The following TDP1 variants were observed in gnomAD, a reference collection of about 807,000 sequenced individuals.
The protein encoded by TDP1 is tyrosyl-DNA phosphodiesterase 1, also known as tyr-DNA phosphodiesterase 1.
A neutral mutation model predicts 81.5 loss-of-function variants in TDP1; 64 were observed. The observed-to-expected ratio is 0.79, with a 90% CI of 0.64 to 0.97. The LOEUF is 0.97. TDP1 is among the 50% of genes least tolerant of loss of function. The pLI is 0.00. For missense variants in TDP1, 723 were observed against 743.8 expected, an observed-to-expected ratio of 0.97 and a Z score of 0.33; for synonymous variants, 256 against 264.3, an observed-to-expected ratio of 0.97 and a Z score of 0.30.
In TDP1 at chr14:89,975,818, A is replaced by G. The variant is rs1894242397; in HGVS notation, c.791+3A>G. 1.9e-6 allele frequency: 3 copies of G among 1,611,948 alleles called. No individual in the cohort carries two copies. Among genetic ancestry groups the G allele is most frequent in the Non-Finnish European group, 1.7e-6 (2 of 1,178,014 alleles). ...ATTGCGTTTGGAACACACCACACGT[A>G]AGCACTTTTTGTGAAATAGGGGAAC... On this transcript the variant is annotated splice_donor_region_variant and intron_variant, in intron 7 of 16. Transcript: ENST00000335725.
chr14:90,043,044 T>C, intron 16 of TDP1, 26 bp from the exon 17 acceptor site: 1 of 1,614,110 alleles, frequency 6.2e-7, no homozygotes, highest in African/African-American at 1.3e-5. Flanking sequence ...TTCAAATAAA[T>C]ATTACGTAAT....
At chr14:90,002,151 T>C (rs986404380) in intron 14 of TDP1, among the ~76,000 whole-genome samples, 1 of 152,208 alleles carries the variant, frequency 6.6e-6, no homozygotes, top group Non-Finnish European at 1.5e-5. Context: ...ACCCTGCTCC[T>C]CATCCAGAAA....
chr14:90,001,172 A>G (rs1395739028), intron 14 of TDP1, among the ~76,000 whole-genome samples: 1 of 152,240 alleles, frequency 6.6e-6, no homozygotes, highest in East Asian at 1.9e-4. Flanking sequence ...CATTTCACAA[A>G]TGTGAAAACT....
chr14:89,965,976 A>AT (rs921922361), intron 3 of TDP1, 171 bp from the exon 4 acceptor site: 34 of 702,880 alleles, frequency 4.8e-5, no homozygotes, highest in South Asian at 6.4e-5. Context: ...CCATAGGGAA[A>AT]TTTTTTTTGA....
chr14:90,043,494 A>C lies in TDP1; in HGVS notation c.*351A>C. The C allele has an allele frequency of 2.7e-6, 1 of 370,036 alleles. No homozygotes were observed. Among genetic ancestry groups the C allele is most frequent in the Non-Finnish European group, 5.0e-6 (1 of 198,682 alleles). The allele number at this position is 370,036 out of a possible 1,614,324, so 22.9% of individuals were successfully genotyped here. The stretch of plus-strand genomic sequence containing the variant: ...TTTGGAATATTTGCATAGCATAATG[A>C]GATATCTTGGGAATGGGACCCAAAT... On this transcript the variant is annotated 3_prime_UTR_variant, in exon 17 of 17. Coordinates refer to ENST00000335725, the MANE Select transcript of TDP1 (RefSeq NM_018319.4).
chr14:89,958,875 A>G (rs1364776875), intron 2 of TDP1, among the ~76,000 whole-genome samples: 2 of 152,264 alleles, frequency 1.3e-5, no homozygotes, highest in African/African-American at 4.8e-5. Context: ...TTTGAATCCA[A>G]TCATTCTTTT....
intron 15 of TDP1, among the ~76,000 whole-genome samples, chr14:90,020,814 T>TTTTTTTTTTTTTTTTTTTG (rs1217480966): frequency 7.0e-6 from 1 of 142,288 alleles, no homozygotes; most frequent in African/African-American, 2.7e-5. Flanking sequence ...TTTTTTTTTT[T>TTTTTTTTTTTTTTTTTTTG]AGACAGAGTC....
chr14:89,990,109 A>G (rs774967396), intron 12 of TDP1, among the ~76,000 whole-genome samples: 10 of 152,176 alleles, frequency 6.6e-5, no homozygotes, highest in Admixed American at 2.0e-4. Context: ...TCATCTCTGC[A>G]TATCCTCCCT....
At chr14:89,978,351 T>A (rs78910035) in intron 7 of TDP1, among the ~76,000 whole-genome samples, 5,928 of 152,306 alleles carry the variant, frequency 0.039, 381 homozygotes, top group African/African-American at 0.13. Context: ...TGAGAATAAC[T>A]CCTCTTCTGT....
intron 16 of TDP1, among the ~76,000 whole-genome samples, chr14:90,040,697 T>C (rs1888273053): frequency 6.6e-6 from 1 of 152,254 alleles, no homozygotes; most frequent in Non-Finnish European, 1.5e-5. Flanking sequence ...TGGGACAATT[T>C]AGGAGGATTG....
intron 14 of TDP1, among the ~76,000 whole-genome samples, chr14:90,014,752 T>TA (rs1885118266): frequency 4.6e-5 from 7 of 152,256 alleles, no homozygotes; most frequent in South Asian, 2.1e-4. Context: ...GTACATCTTC[T>TA]TAAAAAAAAC....
intron 3 of TDP1, among the ~76,000 whole-genome samples, chr14:89,963,986 G>A (rs1219403336): frequency 6.6e-6 from 1 of 152,136 alleles, no homozygotes. Context: ...GCAAATACTT[G>A]ACAACAGTAG....
intron 3 of TDP1, chr14:89,965,816 T>G (rs1892875483): frequency 1.3e-5 from 13 of 985,072 alleles, no homozygotes; most frequent in Non-Finnish European, 1.6e-5. Flanking sequence ...GAATGGGTAC[T>G]TGGAGGAGGT....
intron 10 of TDP1, among the ~76,000 whole-genome samples, chr14:89,987,898 G>A (rs1220015564): frequency 6.6e-6 from 1 of 151,948 alleles, no homozygotes. Context: ...GAAATATGGG[G>A]GTAGCCTCAG....
rs33999902 is a variant in TDP1 at position 89,967,531 on chromosome 14, A to C, written c.659+109A>C. On this transcript the variant is annotated intron_variant, in intron 5 of 16. Coordinates refer to ENST00000335725, the MANE Select transcript of TDP1 (RefSeq NM_018319.4). ...ACTCATCTTTTGAGTTTTTCTTTTG[A>C]AACTGTTGAAATCACACAGACATTA... The C allele has an allele frequency of 2.7e-4, 241 of 906,818 alleles. 1 individual carries two copies. In the African/African-American group the frequency reaches 3.6e-3, roughly 14 times the overall value. 56.2% of individuals were successfully genotyped at this position (906,818 alleles called of 1,614,324 possible).
chr14:89,961,308 C>G (rs996360229), intron 2 of TDP1, among the ~76,000 whole-genome samples: 4 of 152,164 alleles, frequency 2.6e-5, no homozygotes, highest in Non-Finnish European at 5.9e-5. Context: ...GAAAGTTACT[C>G]CATTGTCCAA....
At chr14:89,970,269 T>G (rs2140000239) in intron 5 of TDP1, among the ~76,000 whole-genome samples, 1 of 152,344 alleles carries the variant, frequency 6.6e-6, no homozygotes, top group Non-Finnish European at 1.5e-5. Flanking sequence ...AAGAGTGTTT[T>G]TATATTATAT....
intron 12 of TDP1, chr14:89,991,441 A>C (rs368721027): frequency 1.0e-5 from 5 of 480,194 alleles, no homozygotes; most frequent in African/African-American, 2.1e-5. Context: ...CTCGTCCTCA[A>C]TGAGGTAATT....
intron 14 of TDP1, among the ~76,000 whole-genome samples, chr14:89,995,670 C>T (rs1478490016): frequency 6.6e-6 from 1 of 152,144 alleles, no homozygotes; most frequent in East Asian, 1.9e-4. Context: ...TAGGTTTGGA[C>T]ATTTTGTTTT....
Sources: allele counts gnomAD v4.1 joint callset (sites outside exome capture counted in the v4.1 genomes callset), GRCh38; gene constraint gnomAD v4.1.1; transcripts MANE v1.5; gene names NCBI Gene and HGNC (gene_info 2026-07-23, HGNC 2026-07-21).